Variants in FBXO36 observed in about 807,000 individuals in gnomAD.
FBXO36 encodes F-box only protein 36.
FBXO36 carries 18 observed loss-of-function variants against 17.0 expected under a neutral mutation model. The observed-to-expected ratio is 1.06, with a 90% CI of 0.73 to 1.57. The LOEUF is 1.57. Ranked by LOEUF, FBXO36 falls within the 40% of genes most tolerant of loss-of-function variation. The pLI is 0.00. For missense variants in FBXO36, 229 were observed against 221.9 expected (o/e 1.03, Z -0.20); for synonymous variants, 83 against 85.3 (o/e 0.97, Z 0.15).
At chr2:230,009,571 CA>C (rs1248684079) in intron 3 of FBXO36, among the ~76,000 whole-genome samples, 1 of 152,106 alleles carries the variant, frequency 6.6e-6, no homozygotes, top group Non-Finnish European at 1.5e-5. Context: ...ATCACATCAC[CA>C]GGGGTAGCAT....
chr2:229,946,800 G>A (rs1178479384), intron 1 of FBXO36, among the ~76,000 whole-genome samples: 1 of 152,158 alleles, frequency 6.6e-6, no homozygotes, highest in Non-Finnish European at 1.5e-5. Flanking sequence ...TTAGTACAAT[G>A]CCAAGCACAG....
chr2:229,948,673 C>T (rs1451563558), intron 1 of FBXO36, among the ~76,000 whole-genome samples: 1 of 152,132 alleles, frequency 6.6e-6, no homozygotes, highest in Non-Finnish European at 1.5e-5. Context: ...ATCTCTTCCT[C>T]CTTCCTACTG....
intron 1 of FBXO36, among the ~76,000 whole-genome samples, chr2:229,961,445 G>C (rs531220658): frequency 2.6e-5 from 4 of 151,774 alleles, no homozygotes; most frequent in Admixed American, 6.6e-5. Context: ...GTGCGATCTC[G>C]GCTCACTGCA....
intron 1 of FBXO36, among the ~76,000 whole-genome samples, chr2:229,965,706 C>T (rs1243106461): frequency 3.3e-5 from 5 of 152,104 alleles, no homozygotes; most frequent in African/African-American, 9.7e-5. Flanking sequence ...GACATGGACT[C>T]ATCATTTTTA....
intron 1 of FBXO36, among the ~76,000 whole-genome samples, chr2:229,956,973 A>G (rs2077091753): frequency 6.6e-6 from 1 of 152,142 alleles, no homozygotes; most frequent in South Asian, 2.1e-4. Context: ...TCCTTCTTAC[A>G]AGTCTTATCT....
rs776477646 is a variant in FBXO36, at chr2:229,996,858, A to G, written c.313A>G (p.Ile105Val). 1 of 1,614,068 alleles carries G rather than the reference A, an allele frequency of 6.2e-7. No homozygotes were observed. The highest frequency in any genetic ancestry group is 8.5e-7 in the Non-Finnish European group (1 of 1,180,000). The change falls in exon 3 of 4, where the codon ATC becomes GTC. Residue 105 changes from isoleucine (I) to valine (V), a missense_variant. Ile to Val is a conservative substitution (Grantham distance 29). Coordinates refer to ENST00000283946, the MANE Select transcript of FBXO36 (RefSeq NM_174899.5). The part of the protein sequence containing the change: ...ERLSDDLLLT[I>V]ISYLDLEDIA... ...GCTCTCAGACGATTTGCTCCTGACT[A>G]TCATTTCTTATCTGGATCTTGAAGA...
In FBXO36 at chr2:229,922,597, C is replaced by A; in HGVS notation, c.84C>A (p.Val28=). The A allele has an allele frequency of 6.2e-7, 1 of 1,614,026 alleles. No individual in the cohort carries two copies. The highest frequency in any genetic ancestry group is 1.1e-5 in the South Asian group (1 of 91,064). The part of the protein sequence containing the change: ...PPSKDYYQLL[V]TRSQVIFRWW... ...GCAAAGACTATTACCAGTTACTGGT[C>A]ACCCGGTCTCAGGCAAGTGCGAGCC... Residue 28 remains valine, a synonymous_variant, in exon 1 of 4, where the codon GTC becomes GTA. Coordinates refer to ENST00000283946, the MANE Select transcript of FBXO36 (RefSeq NM_174899.5).
chr2:229,993,564 A>C (rs2077309328), intron 2 of FBXO36, among the ~76,000 whole-genome samples: 1 of 152,214 alleles, frequency 6.6e-6, no homozygotes, highest in Non-Finnish European at 1.5e-5. Flanking sequence ...CACATAATCC[A>C]ACAGGCAGGC....
chr2:230,002,655 A>AT (rs2077366037), intron 3 of FBXO36, among the ~76,000 whole-genome samples: 1 of 152,124 alleles, frequency 6.6e-6, no homozygotes, highest in Admixed American at 6.6e-5. Context: ...AAGTGTTAGG[A>AT]TTACAGGCAT....
At chr2:229,995,718 G>A (rs1471129817) in intron 2 of FBXO36, among the ~76,000 whole-genome samples, 91 of 149,592 alleles carry the variant, frequency 6.1e-4, no homozygotes, top group African/African-American at 2.1e-3. Flanking sequence ...TCAGCCTCCC[G>A]AGTAGCTGGG....
intron 1 of FBXO36, among the ~76,000 whole-genome samples, chr2:229,962,354 A>G (rs1020057403): frequency 1.3e-5 from 2 of 151,612 alleles, no homozygotes; most frequent in African/African-American, 4.8e-5. Context: ...TTTTGAAACC[A>G]GGATCTTGCT....
chr2:229,959,126 T>G (rs2077107972), intron 1 of FBXO36, among the ~76,000 whole-genome samples: 1 of 152,202 alleles, frequency 6.6e-6, no homozygotes, highest in South Asian at 2.1e-4. Context: ...ATGACTTTTT[T>G]TTCTGAATCG....
chr2:229,983,385 AC>A (rs1486448988), intron 2 of FBXO36, among the ~76,000 whole-genome samples: 1 of 151,640 alleles, frequency 6.6e-6, no homozygotes, highest in African/African-American at 2.4e-5. Context: ...CAAAAAAAAA[AC>A]AAAAACAAAC....
chr2:229,930,686 A>G (rs1423314392), intron 1 of FBXO36, among the ~76,000 whole-genome samples: 1 of 152,158 alleles, frequency 6.6e-6, no homozygotes, highest in Admixed American at 6.6e-5. Context: ...GGGAGGCAAC[A>G]GTTGCAGTGA....
At chr2:230,005,649 CATTCATTCATTCATTT>C (rs1337853623) in intron 3 of FBXO36, among the ~76,000 whole-genome samples, 3 of 152,232 alleles carry the variant, frequency 2.0e-5, no homozygotes, top group Admixed American at 6.5e-5. Context: ...CTATAACATT[CATTCATTCATTCATTT>C]ATTCATTCAT....
At chr2:229,961,380 A>T (rs1013445028) in intron 1 of FBXO36, among the ~76,000 whole-genome samples, 1 of 151,216 alleles carries the variant, frequency 6.6e-6, no homozygotes, top group Admixed American at 6.6e-5. Context: ...ATTTTATTTT[A>T]TTTTTTTCAT....
In FBXO36 at chr2:229,944,440, C is replaced by A. The variant is rs184617266; in HGVS notation, c.96+21831C>A. Among the ~76,000 whole-genome samples, 305 of 152,202 alleles carry A rather than the reference C, an allele frequency of 2.0e-3. 2 individuals are homozygous for A. Among genetic ancestry groups the A allele is most frequent in the African/African-American group, 7.0e-3 (291 of 41,518 alleles). On this transcript the variant is annotated intron_variant, in intron 1 of 3. Transcript: ENST00000283946. Reference sequence around the variant, plus strand: ...CATTCCAGCTAGGAAGATAGTATCACCCCTTTAAACATGAGAAAATCAAAT... The same window carrying A: ...CATTCCAGCTAGGAAGATAGTATCAACCCTTTAAACATGAGAAAATCAAAT...
At chr2:229,928,285 T>C (rs2076922894) in intron 1 of FBXO36, among the ~76,000 whole-genome samples, 1 of 152,258 alleles carries the variant, frequency 6.6e-6, no homozygotes, top group South Asian at 2.1e-4. Context: ...AGCAAGTTGC[T>C]GGATTAAACA....
intron 1 of FBXO36, among the ~76,000 whole-genome samples, chr2:229,933,778 C>T (rs1204878356): frequency 2.0e-5 from 3 of 152,086 alleles, no homozygotes; most frequent in Non-Finnish European, 2.9e-5. Context: ...CCACACTTCC[C>T]GGGTTCAAAC....
Sources: gnomAD v4.1 joint callset for allele counts (sites outside exome capture counted in the v4.1 genomes callset) on GRCh38, gnomAD v4.1.1 for gene constraint, MANE v1.5 for transcripts, NCBI Gene and HGNC (gene_info 2026-07-23, HGNC 2026-07-21) for gene names.